Variants in CCL15 observed in about 807,000 individuals in gnomAD.
The protein encoded by CCL15 is C-C motif chemokine 15.
Under a neutral mutation model 10.6 loss-of-function variants are expected in CCL15, and 8 were observed. The ratio of observed to expected loss-of-function variants is 0.75; its 90% CI spans 0.44 to 1.36. The LOEUF (loss-of-function observed/expected upper bound fraction) is 1.36, where lower values mean the gene tolerates loss of function less well. CCL15 is among the 40% of genes most tolerant of loss of function. The probability of loss-of-function intolerance (pLI) is 0.00; values close to 1 mark genes in which losing one functional copy is unlikely to be tolerated. For synonymous variants in CCL15, 51 were observed against 48.8 expected, an observed-to-expected ratio of 1.04 and a Z score of -0.19; for missense variants, 128 against 136.6, an observed-to-expected ratio of 0.94 and a Z score of 0.32.
At chr17:36,000,670 T>A (rs1054327155) in intron 1 of CCL15, among the ~76,000 whole-genome samples, 3 of 152,058 alleles carry the variant, frequency 2.0e-5, no homozygotes, top group African/African-American at 7.2e-5. Context: ...GGATGAGTAC[T>A]AGACAGCTAG....
rs904100975 is a variant in CCL15, at chr17:35,998,574, C to G, written c.137-183G>C. Among the ~76,000 whole-genome samples the G allele has an allele frequency of 2.6e-5, 4 of 152,238 alleles. 1 individual carries two copies. The highest frequency in any genetic ancestry group is 5.9e-5 in the Non-Finnish European group (4 of 68,046). Reference sequence around the variant, plus strand: ...GTCTGAGGGCACTCAGGGTGGGCCACAGCAGGACCAAGAAAATTTCCCCCA... The same window carrying G: ...GTCTGAGGGCACTCAGGGTGGGCCAGAGCAGGACCAAGAAAATTTCCCCCA... On this transcript the variant is annotated intron_variant, in intron 2 of 3. Transcript: ENST00000617897.
chr17:35,997,688 T>C lies in CCL15; in HGVS notation c.*79A>G, dbSNP rs566695950. 3.7e-4 allele frequency: 301 copies of C among 808,634 alleles called. 1 individual carries two copies. The highest frequency in any genetic ancestry group is 7.5e-4 in the East Asian group (29 of 38,556). 50.1% of individuals were successfully genotyped at this position (808,634 alleles called of 1,614,324 possible). A position where few individuals can be genotyped will look rare whatever the true frequency, so the allele number is the denominator to read the frequency against. ...TCATTACCAGACACAACAATATATA[T>C]ATTTTTTAAGTATTTCAGACCAAGA... On this transcript the variant is annotated 3_prime_UTR_variant, in exon 4 of 4. Transcript: ENST00000617897.
At position 35,997,808 on chromosome 17, in the gene CCL15, C is replaced by A; in HGVS notation, c.301G>T (p.Val101Phe). The A allele has an allele frequency of 6.2e-7, 1 of 1,614,034 alleles. No individual in the cohort carries two copies. The highest frequency in any genetic ancestry group is 8.5e-7 in the Non-Finnish European group (1 of 1,179,968). Residue 101 changes from valine (V) to phenylalanine (F), a missense_variant, in exon 4 of 4, where the codon GTT becomes TTT. By Grantham distance (50) the Val-to-Phe change is conservative (BLOSUM62 -1). Coordinates refer to ENST00000617897, the MANE Select transcript of CCL15 (RefSeq NM_032965.6). The stretch of plus-strand genomic sequence containing the variant: ...TTCAGCTTTTTCATGCAATCCTGAA[C>A]TCCCGGACCACTGGGTTTGGCACAG... ...QVCAKPSGPG[V>F]QDCMKKLKPY...
chr17:35,999,027 T>C (rs2089954731), intron 1 of CCL15, 102 bp from the exon 2 acceptor site: 1 of 957,584 alleles, frequency 1.0e-6, no homozygotes, highest in Admixed American at 1.8e-5. Flanking sequence ...GCAGAGAGGC[T>C]CTGAAGCTGG....
chr17:35,998,981 A>G lies in CCL15; in HGVS notation c.77-56T>C, dbSNP rs375962063. The stretch of plus-strand genomic sequence containing the variant: ...CTGGGTGGCAGCAGTATGTTTCAAC[A>G]TCTCCACCCACCCCATTGCTCATCC... On this transcript the variant is annotated intron_variant, in intron 1 of 3. Coordinates refer to ENST00000617897, the MANE Select transcript of CCL15 (RefSeq NM_032965.6). 483 of 1,379,464 alleles carry G rather than the reference A, an allele frequency of 3.5e-4. 3 individuals carry two copies. The South Asian group carries it at 5.4e-3, about 16-fold the overall frequency. 85.5% of individuals were successfully genotyped at this position (1,379,464 alleles called of 1,614,324 possible). A position where few individuals can be genotyped will look rare whatever the true frequency, so the allele number is the denominator to read the frequency against.
chr17:35,998,205 A>G, intron 3 of CCL15, 75 bp downstream of exon 3: 5 of 953,742 alleles, frequency 5.2e-6, no homozygotes, highest in Non-Finnish European at 8.4e-6. Context: ...ATGGACGCCC[A>G]TCCGTCGTGT....
chr17:35,998,773 T>C lies in CCL15; in HGVS notation c.136+93A>G, dbSNP rs142938376. 2,837 of 1,036,132 alleles carry C rather than the reference T, an allele frequency of 2.7e-3. 49 individuals are homozygous for C. The African/African-American group carries it at 0.038, about 14-fold the overall frequency. 64.2% of individuals were successfully genotyped at this position (1,036,132 alleles called of 1,614,324 possible). On this transcript the variant is annotated intron_variant, in intron 2 of 3. Coordinates refer to ENST00000617897, the MANE Select transcript of CCL15 (RefSeq NM_032965.6). ...CACCACCCTCAGGACCCTCTCATTC[T>C]CCTCCCATTCTGTAAACAGGGACAA...
chr17:35,998,282 G>T lies in CCL15; in HGVS notation c.246C>A (p.Val82=), dbSNP rs1235089144. The T allele has an allele frequency of 1.2e-6, 2 of 1,608,256 alleles. No individual in the cohort carries two copies. Among genetic ancestry groups the T allele is most frequent in the Non-Finnish European group, 1.7e-6 (2 of 1,174,914 alleles). ...TGGTTGGTGAGCTTGGCACTTACAT[G>T]ACACCTGGCTTGGAGCACTCGCTGC... ...ETSSECSKPG[V]IFLTKKGRQV... is the part of the protein sequence containing the mutation. The change falls in exon 3 of 4, where the codon GTC becomes GTA. Residue 82 remains valine (V), a splice_region_variant and synonymous_variant. Transcript: ENST00000617897.
chr17:36,001,268 G>A (rs1042503111), intron 1 of CCL15, 149 bp downstream of exon 1: 1 of 1,004,142 alleles, frequency 1.0e-6, no homozygotes, highest in South Asian at 1.7e-5. Context: ...TCCAAAGGCT[G>A]CAGACAGAGC....
intron 1 of CCL15, 40 bp from the exon 2 acceptor site, chr17:35,998,965 A>G (rs1335498794): frequency 1.3e-6 from 2 of 1,552,404 alleles, no homozygotes; most frequent in Non-Finnish European, 1.8e-6. Flanking sequence ...ACTGGGTGGC[A>G]GCAGTATGTT....
intron 1 of CCL15, among the ~76,000 whole-genome samples, chr17:36,000,522 T>C (rs1380318764): frequency 6.7e-6 from 1 of 148,886 alleles, no homozygotes; most frequent in African/African-American, 2.5e-5. Flanking sequence ...ATTGCAGGGC[T>C]AACCAATTCA....
intron 2 of CCL15, 137 bp from the exon 3 acceptor site, chr17:35,998,528 C>T: frequency 2.8e-6 from 2 of 721,746 alleles, no homozygotes; most frequent in South Asian, 3.1e-5. Flanking sequence ...GCTTCAGACC[C>T]TCCCCAGGGT....
rs112671756 is a variant in CCL15 at position 36,001,349 on chromosome 17, C to T, written c.76+68G>A. 9.8e-5 allele frequency: 157 copies of T among 1,594,322 alleles called. 1 individual carries two copies. Among genetic ancestry groups the T allele is most frequent in the African/African-American group, 9.7e-4 (72 of 74,608 alleles). ...TGTCTGGGCTGGAGAGTAGTCACAA[C>T]ATGTCTCCGTCCCAGAGCTTGAGTT... On this transcript the variant is annotated intron_variant, in intron 1 of 3. Transcript: ENST00000617897.
intron 3 of CCL15, among the ~76,000 whole-genome samples, 169 bp from the exon 4 acceptor site, chr17:35,998,029 G>A (rs71381489): frequency 2.1e-3 from 324 of 152,276 alleles, no homozygotes; most frequent in African/African-American, 7.5e-3. Context: ...TCAGCCTGTG[G>A]GACTCCTTAA....
At chr17:36,001,282 G>T in intron 1 of CCL15, 135 bp downstream of exon 1, 1 of 1,169,704 alleles carries the variant, frequency 8.5e-7, no homozygotes, top group Non-Finnish European at 1.2e-6. Flanking sequence ...ACAGAGCCAG[G>T]TCTATACCCT....
chr17:35,999,069 C>G lies in CCL15; in HGVS notation c.77-144G>C, dbSNP rs1185239094. The G allele has an allele frequency of 4.5e-6, 3 of 664,148 alleles. No individual in the cohort carries two copies. The Admixed American group carries it at 7.5e-5, about 17-fold the overall frequency. 41.1% of individuals were successfully genotyped at this position (664,148 alleles called of 1,614,324 possible). ...ACCACCTGTCTGGGTTCTAGGCCTGCCTCCTGGCCCATTTATTCCATTAGG... is the reference window on the plus strand; with the variant it reads ...ACCACCTGTCTGGGTTCTAGGCCTGGCTCCTGGCCCATTTATTCCATTAGG... On this transcript the variant is annotated intron_variant, in intron 1 of 3. Transcript: ENST00000617897.
Position 35,998,327 on chromosome 17 carries a change from C to G in CCL15, c.201G>C (p.Met67Ile), listed in dbSNP as rs1281381021. The G allele has an allele frequency of 6.2e-7, 1 of 1,614,190 alleles. No homozygotes were observed. The highest frequency in any genetic ancestry group is 1.3e-5 in the African/African-American group (1 of 75,066). ...YISQSIPCSL[M>I]KSYFETSSEC... Reference sequence around the variant, plus strand: ...CGCTGCTCGTTTCAAAATAACTTTTCATGAGTGAACACGGGATGCTTTGTG... The same window carrying G: ...CGCTGCTCGTTTCAAAATAACTTTTGATGAGTGAACACGGGATGCTTTGTG... The change falls in exon 3 of 4, where the codon ATG (methionine) becomes ATC (isoleucine). Residue 67 changes from methionine (M) to isoleucine (I), a missense_variant. Physicochemically the swap from Met to Ile is conservative, Grantham distance 10 (BLOSUM62 1). Transcript: ENST00000617897.
At chr17:36,000,094 T>G (rs1312031423) in intron 1 of CCL15, among the ~76,000 whole-genome samples, 2 of 142,114 alleles carry the variant, frequency 1.4e-5, no homozygotes, top group Non-Finnish European at 3.0e-5. Context: ...GAGCTTGCAG[T>G]GAGCTGAGAT....
At chr17:36,000,814 GT>G (rs138806450) in intron 1 of CCL15, among the ~76,000 whole-genome samples, 2,186 of 151,680 alleles carry the variant, frequency 0.014, 55 homozygotes, top group African/African-American at 0.05. Context: ...CTTCCCTCCT[GT>G]TTGTGACTCC....
Sources: allele counts gnomAD v4.1 joint callset (sites outside exome capture counted in the v4.1 genomes callset), GRCh38; gene constraint gnomAD v4.1.1; transcripts MANE v1.5; gene names NCBI Gene and HGNC (gene_info 2026-07-23, HGNC 2026-07-21).